Variants in TNXB observed in about 807,000 individuals in gnomAD.
TNXB encodes the protein tenascin-X.
TNXB carries 183 observed loss-of-function variants against 340.5 expected under a neutral mutation model. The observed-to-expected ratio is 0.54, with a 90% CI of 0.48 to 0.61. TNXB has a LOEUF of 0.61. Ranked by LOEUF, TNXB falls within the 20% of genes least tolerant of loss-of-function variation. TNXB has a pLI of 0.00. For missense variants in TNXB, 4,613 were observed against 5,446.4 expected (o/e 0.85, Z 4.82); for synonymous variants, 2,121 against 2,314.5 (o/e 0.92, Z 2.40).
At position 32,048,095 on chromosome 6, in the gene TNXB, G is replaced by C. The variant is rs1777016693; in HGVS notation, c.10046-83C>G. ...TTCCTGGGCTGCTATGGCTCTGTGA[G>C]CCGGTCCCAGGAACGGGAGGGTGAC... On this transcript the variant is annotated intron_variant, in intron 29 of 43. Coordinates refer to ENST00000644971, the MANE Select transcript of TNXB (RefSeq NM_001365276.2). 3 of 1,491,280 alleles carry C rather than the reference G, an allele frequency of 2.0e-6. No individual in the cohort carries two copies. In the Admixed American group the frequency reaches 5.8e-5, roughly 29 times the overall value. The allele number at this position is 1,491,280 out of a possible 1,614,324, so 92.4% of individuals were successfully genotyped here. A position where few individuals can be genotyped will look rare whatever the true frequency, so the allele number is the denominator to read the frequency against.
At position 32,053,706 on chromosome 6, in the gene TNXB, C is replaced by T. The variant is rs759929653; in HGVS notation, c.8473G>A (p.Glu2825Lys). ...GCTTGGGTGGTCTCTGCTTCATCCT[C>T]TGGAGCTGGACAGACACGTGTGGGG... Reference protein sequence around the residue: ...PVSTVGVTAPEDEAETTQAVP... With the variant: ...PVSTVGVTAPKDEAETTQAVP... The change falls in exon 25 of 44, where the codon GAG (glutamate) becomes AAG (lysine). Residue 2825 changes from glutamate to lysine, a missense_variant. Physicochemically the swap from Glu to Lys is moderately conservative, Grantham distance 56. This residue lies in a region of TNXB where 4,327 missense variants were observed against 4,859.4 expected (regional missense o/e 0.89). Coordinates refer to ENST00000644971, the MANE Select transcript of TNXB (RefSeq NM_001365276.2). The T allele has an allele frequency of 6.8e-6, 11 of 1,611,874 alleles. No homozygotes were observed. Among genetic ancestry groups the T allele is most frequent in the Admixed American group, 5.0e-5 (3 of 60,000 alleles).
At chr6:32,105,047 A>T (rs915198118) in intron 1 of TNXB, among the ~76,000 whole-genome samples, 3 of 152,056 alleles carry the variant, frequency 2.0e-5, no homozygotes, top group African/African-American at 7.2e-5. Flanking sequence ...CTCTTAGAAC[A>T]CTGACAAACA....
At position 32,096,247 on chromosome 6, in the gene TNXB, C is replaced by A. The variant is rs372158274; in HGVS notation, c.1606G>T (p.Gly536Cys). 1.9e-6 allele frequency: 3 copies of A among 1,568,270 alleles called. No homozygotes were observed. The highest frequency in any genetic ancestry group is 2.6e-6 in the Non-Finnish European group (3 of 1,160,660). Reference sequence around the variant, plus strand: ...ACGCACACGCCATCCTCGCAAAGGCCGTGCCCACGGCAGTCCCCGGGACAG... The same window carrying A: ...ACGCACACGCCATCCTCGCAAAGGCAGTGCCCACGGCAGTCCCCGGGACAG... ...RRCPGDCRGH[G>C]LCEDGVCVCD... Residue 536 changes from glycine (G) to cysteine (C), a missense_variant, in exon 3 of 44, where the codon GGC becomes TGC. Gly to Cys is a radical substitution (Grantham distance 159). Transcript: ENST00000644971.
rs370819172 is a variant in TNXB, at chr6:32,058,202, C to T, written c.7681G>A (p.Gly2561Arg). The change falls in exon 22 of 44, where the codon GGG (glycine) becomes AGG (arginine). Residue 2561 changes from glycine to arginine, a missense_variant. By Grantham distance (125) the Gly-to-Arg change is moderately radical. This residue lies in a region of TNXB where 4,327 missense variants were observed against 4,859.4 expected (regional missense o/e 0.89). Coordinates refer to ENST00000644971, the MANE Select transcript of TNXB (RefSeq NM_001365276.2). The surrounding 1 kb of genome is among the most constrained non-coding windows in gnomAD (Gnocchi z 5.1). ...CCAACACGCACCGCCTGGGGCCGCCCGTCCCTGTCCTTGTACTGCACGGTG... is the reference window on the plus strand; with the variant it reads ...CCAACACGCACCGCCTGGGGCCGCCTGTCCCTGTCCTTGTACTGCACGGTG... ...SFTVQYKDRD[G>R]RPQAVRVGGQ... The T allele has an allele frequency of 2.0e-5, 33 of 1,612,324 alleles. No individual in the cohort carries two copies. The highest frequency in any genetic ancestry group is 1.8e-4 in the Admixed American group (11 of 60,000).
chr6:32,048,774 T>A (rs983242566), intron 28 of TNXB, 124 bp from the exon 29 acceptor site: 1 of 1,012,444 alleles, frequency 9.9e-7, no homozygotes, highest in Non-Finnish European at 1.3e-6. Context: ...TTTTAGAATC[T>A]GTGCCCTGCA....
In TNXB at chr6:32,082,214, A is replaced by C. The variant is rs1779507551; in HGVS notation, c.3558T>G (p.Phe1186Leu). The change falls in exon 9 of 44, where the codon TTT becomes TTG. Residue 1186 changes from phenylalanine to leucine, a missense_variant. Coordinates refer to ENST00000644971, the MANE Select transcript of TNXB (RefSeq NM_001365276.2). This position sits in a 1 kb window ranked among gnomAD's most constrained non-coding sequence, Gnocchi z 5.0. The stretch of plus-strand genomic sequence containing the variant: ...CCCTGTACTGGACCATGAAGGTGTC[A>C]AACTGGCCCTCAGGGACAGTCCAGG... ...HLSWTVPEGQ[F>L]DTFMVQYRDR... The C allele has an allele frequency of 2.5e-6, 4 of 1,612,196 alleles. No homozygotes were observed. The highest frequency in any genetic ancestry group is 3.4e-6 in the Non-Finnish European group (4 of 1,179,530).
rs1297732780 is a variant in TNXB at position 32,095,678 on chromosome 6, G to A, written c.2175C>T (p.Gly725=). 1.2e-6 allele frequency: 2 copies of A among 1,613,850 alleles called. No homozygotes were observed. The highest frequency in any genetic ancestry group is 2.7e-5 in the African/African-American group (2 of 74,892). The change falls in exon 3 of 44, where the codon GGC becomes GGT. Residue 725 remains glycine, a synonymous_variant. Coordinates refer to ENST00000644971, the MANE Select transcript of TNXB (RefSeq NM_001365276.2). ...AGCTGCCATCGTGACACTCTCCTCG[G>A]CCACGGCAGTCCCCTGGGCATGTCT... ...AIQTCPGDCR[G]RGECHDGSCV...
At chr6:32,086,204 C>A in intron 6 of TNXB, 86 bp from the exon 7 acceptor site, 1 of 1,388,960 alleles carries the variant, frequency 7.2e-7, no homozygotes, top group East Asian at 2.5e-5. Context: ...TGCCCTCCAG[C>A]CTCTAAGAGC....
In TNXB at chr6:32,058,288, C is replaced by G. The variant is rs1359147049; in HGVS notation, c.7595G>C (p.Gly2532Ala). The G allele has an allele frequency of 6.2e-7, 1 of 1,612,322 alleles. No individual in the cohort carries two copies. Among genetic ancestry groups the G allele is most frequent in the Non-Finnish European group, 8.5e-7 (1 of 1,179,842 alleles). The change falls in exon 22 of 44, where the codon GGA becomes GCA. Residue 2532 changes from glycine (G) to alanine (A), a missense_variant. By Grantham distance (60) the Gly-to-Ala change is moderately conservative (BLOSUM62 0). This residue lies in a region of TNXB where 4,327 missense variants were observed against 4,859.4 expected (regional missense o/e 0.89). Transcript: ENST00000644971. The surrounding 1 kb of genome is among the most constrained non-coding windows in gnomAD (Gnocchi z 5.1). The stretch of plus-strand genomic sequence containing the variant: ...AAGGCTCAGCGAGTCAGGGGAGGAT[C>G]CTGTCACTGTCAGCTCCCCCAGGAG... Reference protein sequence around the residue: ...EPLLGELTVTGSSPDSLSLSW... With the variant: ...EPLLGELTVTASSPDSLSLSW...
At position 32,089,056 on chromosome 6, in the gene TNXB, G is replaced by A. The variant is rs753172048; in HGVS notation, c.2516-8C>T. 6.2e-7 allele frequency: 1 copy of A among 1,605,628 alleles called. No individual in the cohort carries two copies. Among genetic ancestry groups the A allele is most frequent in the East Asian group, 2.2e-5 (1 of 44,748 alleles). ...CCTGGGGCCCATCGATCACTAGCCA[G>A]GTTAAAGAGGAGGACTCAGGTGGGT... On this transcript the variant is annotated splice_region_variant and splice_polypyrimidine_tract_variant and intron_variant, in intron 5 of 43. Transcript: ENST00000644971. The surrounding 1 kb of genome is among the most constrained non-coding windows in gnomAD (Gnocchi z 6.2).
intron 4 of TNXB, among the ~76,000 whole-genome samples, chr6:32,091,536 G>A (rs1780076783): frequency 6.6e-6 from 1 of 150,880 alleles, no homozygotes; most frequent in Non-Finnish European, 1.5e-5. Flanking sequence ...GGAGTGCAAT[G>A]GCACGATCTC....
In TNXB at chr6:32,069,874, CACGGAGAGGAA is replaced by C; in HGVS notation, c.5279-24_5279-14del. The C allele has an allele frequency of 1.3e-6, 2 of 1,574,944 alleles. No individual in the cohort carries two copies. The highest frequency in any genetic ancestry group is 1.7e-6 in the Non-Finnish European group (2 of 1,157,664). ...GCACTCCGGGCTTCTGAGATGGAGA[CACGGAGAGGAA>C]ACGGCTGAGCTGTTTCTGGAAGACT... On this transcript the variant is annotated splice_polypyrimidine_tract_variant and intron_variant, in intron 14 of 43. Transcript: ENST00000644971. The surrounding 1 kb of genome is among the most constrained non-coding windows in gnomAD (Gnocchi z 6.2).
In TNXB at chr6:32,046,547, G is replaced by T. The variant is rs1776899440; in HGVS notation, c.10325-91C>A. 4.1e-6 allele frequency: 5 copies of T among 1,205,284 alleles called. No individual in the cohort carries two copies. The highest frequency in any genetic ancestry group is 1.5e-5 in the African/African-American group (1 of 65,724). The allele number at this position is 1,205,284 out of a possible 1,614,324, so 74.7% of individuals were successfully genotyped here. Reference sequence around the variant, plus strand: ...CCGGAGGTGTGAGGTTCTGGGAAATGGTCCCTCCAGTGTAGCCCCAGGGAC... The same window carrying T: ...CCGGAGGTGTGAGGTTCTGGGAAATTGTCCCTCCAGTGTAGCCCCAGGGAC... On this transcript the variant is annotated intron_variant, in intron 30 of 43. Transcript: ENST00000644971. This position sits in a 1 kb window ranked among gnomAD's most constrained non-coding sequence, Gnocchi z 6.9.
Position 32,065,010 on chromosome 6 carries a change from C to T in TNXB, c.6652G>A (p.Glu2218Lys), listed in dbSNP as rs530280191. 70 of 1,611,384 alleles carry T rather than the reference C, an allele frequency of 4.3e-5. 1 individual carries two copies. The highest frequency in any genetic ancestry group is 5.5e-5 in the South Asian group (5 of 90,792). The part of the protein sequence containing the change: ...DSLSLSWTVP[E>K]GQFDHFLVQF... ...ACCAAGAAATGGTCAAACTGGCCCT[C>T]GGGGACTGTCCAGGAGAGGCTGAGG... is the stretch of plus-strand genomic sequence containing the variant. The change falls in exon 19 of 44, where the codon GAG becomes AAG. Residue 2218 changes from glutamate to lysine, a missense_variant. By Grantham distance (56) the Glu-to-Lys change is moderately conservative. This residue lies in a region of TNXB where 4,327 missense variants were observed against 4,859.4 expected (regional missense o/e 0.89). Transcript: ENST00000644971.
chr6:32,042,455 C>A lies in TNXB; in HGVS notation c.12210G>T (p.Leu4070=). The A allele has an allele frequency of 1.2e-6, 2 of 1,611,982 alleles. No homozygotes were observed. Among genetic ancestry groups the A allele is most frequent in the Non-Finnish European group, 1.7e-6 (2 of 1,179,818 alleles). ...CCCTGGGCTTCCCAATGCCACCCAC[C>A]AGCCAGCCGCCCCCATCAGTCTCCA... ...CDMETDGGGW[L]VFQRRMDGQT... Residue 4070 remains leucine, a splice_region_variant and synonymous_variant, in exon 40 of 44, where the codon CTG becomes CTT. Transcript: ENST00000644971.
At position 32,067,528 on chromosome 6, in the gene TNXB, C is replaced by G. The variant is rs1778446041; in HGVS notation, c.6544+133G>C. The G allele has an allele frequency of 1.6e-6, 2 of 1,275,438 alleles. No homozygotes were observed. Among genetic ancestry groups the G allele is most frequent in the Non-Finnish European group, 2.1e-6 (2 of 954,728 alleles). 79.0% of individuals were successfully genotyped at this position (1,275,438 alleles called of 1,614,324 possible). A position where few individuals can be genotyped will look rare whatever the true frequency, so the allele number is the denominator to read the frequency against. On this transcript the variant is annotated intron_variant, in intron 18 of 43. Coordinates refer to ENST00000644971, the MANE Select transcript of TNXB (RefSeq NM_001365276.2). This position sits in a 1 kb window ranked among gnomAD's most constrained non-coding sequence, Gnocchi z 4.2. ...TGCTCTCTCTGTCCCCAGATCACAC[C>G]TGTCCTGAGCCTTTAGTGAACAGGG...
chr6:32,083,899 C>T lies in TNXB; in HGVS notation c.3445+514G>A, dbSNP rs747643031. On this transcript the variant is annotated intron_variant, in intron 8 of 43. Coordinates refer to ENST00000644971, the MANE Select transcript of TNXB (RefSeq NM_001365276.2). This position sits in a 1 kb window ranked among gnomAD's most constrained non-coding sequence, Gnocchi z 4.6. Reference sequence around the variant, plus strand: ...TTGGTCTCAAACTCCTAGCCTCAAGCGATCCTCCTGCCTTGGCCTCCCAAG... The same window carrying T: ...TTGGTCTCAAACTCCTAGCCTCAAGTGATCCTCCTGCCTTGGCCTCCCAAG... Among the ~76,000 whole-genome samples, 9 of 152,172 alleles carry T rather than the reference C, an allele frequency of 5.9e-5. No individual in the cohort carries two copies. Among genetic ancestry groups the T allele is most frequent in the Non-Finnish European group, 1.0e-4 (7 of 68,016 alleles).
In TNXB at chr6:32,062,745, A is replaced by G. The variant is rs1475130453; in HGVS notation, c.6842-262T>C. Among the ~76,000 whole-genome samples the G allele has an allele frequency of 6.6e-6, 1 of 152,206 alleles. No individual in the cohort carries two copies. Among genetic ancestry groups the G allele is most frequent in the Non-Finnish European group, 1.5e-5 (1 of 68,022 alleles). ...CAAGCAAATTTGTTTTGCAGGACAG[A>G]ATTGATGCTTTATAAGAACACCAAC... On this transcript the variant is annotated intron_variant, in intron 19 of 43. Coordinates refer to ENST00000644971, the MANE Select transcript of TNXB (RefSeq NM_001365276.2). The surrounding 1 kb of genome is among the most constrained non-coding windows in gnomAD (Gnocchi z 4.3).
In TNXB at chr6:32,082,316, A is replaced by T; in HGVS notation, c.3456T>A (p.Ser1152Arg). The change falls in exon 9 of 44, where the codon AGT (serine) becomes AGA (arginine). Residue 1152 changes from serine to arginine, a missense_variant. Transcript: ENST00000644971. The surrounding 1 kb of genome is among the most constrained non-coding windows in gnomAD (Gnocchi z 5.0). ...GGGGTGGAGTCCCTGGACTTGGGTCACTCTGAGGCACTAGGAAGAGTGGGT... is the reference window on the plus strand; with the variant it reads ...GGGGTGGAGTCCCTGGACTTGGGTCTCTCTGAGGCACTAGGAAGAGTGGGT... ...LVAEAKILPQ[S>R]DPSPGTPPHL... 1 of 1,593,606 alleles carries T rather than the reference A, an allele frequency of 6.3e-7. No individual in the cohort carries two copies. Among genetic ancestry groups the T allele is most frequent in the Non-Finnish European group, 8.6e-7 (1 of 1,167,758 alleles).
Sources: allele counts gnomAD v4.1 joint callset (sites outside exome capture counted in the v4.1 genomes callset), GRCh38; gene constraint gnomAD v4.1.1; regional missense constraint gnomAD v4.1.1; non-coding constraint Gnocchi (gnomAD v3.1); transcripts MANE v1.5; gene names NCBI Gene and HGNC (gene_info 2026-07-23, HGNC 2026-07-21).